Variants in IVD observed in about 807,000 individuals in gnomAD.
The protein encoded by IVD is isovaleryl-CoA dehydrogenase, mitochondrial.
Under a neutral mutation model 51.3 loss-of-function variants are expected in IVD, and 31 were observed. The observed-to-expected ratio is 0.60, with a 90% CI of 0.45 to 0.81. The LOEUF is 0.81. Among genes scored for constraint, IVD ranks in the 40% least tolerant of loss-of-function variants. IVD has a pLI of 0.00. For missense variants in IVD, 475 were observed against 552.0 expected, an observed-to-expected ratio of 0.86 and a Z score of 1.40; for synonymous variants, 205 against 219.4, an observed-to-expected ratio of 0.93 and a Z score of 0.58.
chr15:40,420,878 T>G lies in IVD; in HGVS notation c.*2615T>G, dbSNP rs1473673659. ...CTGAGAAGGGAATGGGTCTGGGTTG[T>G]TCCACCCCTTCCGAGTTCCAAAAAG... On this transcript the variant is annotated 3_prime_UTR_variant, in exon 12 of 12. Coordinates refer to ENST00000487418, the MANE Select transcript of IVD (RefSeq NM_002225.5). 1.0e-6 allele frequency: 1 copy of G among 985,440 alleles called. No individual in the cohort carries two copies. The highest frequency in any genetic ancestry group is 1.7e-5 in the African/African-American group (1 of 57,252). 61.0% of individuals were successfully genotyped at this position (985,440 alleles called of 1,614,324 possible).
Position 40,434,350 on chromosome 15 carries a change from G to C in IVD, c.780+436G>C, listed in dbSNP as rs148846859. ...TCTGCCTGCTTACTTTTGCTCAAAG[G>C]CTATTAGTTTGGGAGCCCTAAGTGT... On this transcript the variant is annotated intron_variant, in intron 8 of 8. Transcript: ENST00000473112. Among the ~76,000 whole-genome samples, 85 of 152,286 alleles carry C rather than the reference G, an allele frequency of 5.6e-4. No individual in the cohort carries two copies. The East Asian group carries it at 0.011, about 20-fold the overall frequency.
chr15:40,434,459 A>G (rs1326859577), intron 8 of IVD, among the ~76,000 whole-genome samples: 5 of 152,236 alleles, frequency 3.3e-5, no homozygotes. Context: ...CCTTGGGGCC[A>G]GGACTGTGCT....
downstream of IVD, among the ~76,000 whole-genome samples, chr15:40,422,585 CTTTTTTTTT>C (rs1157351420): frequency 0.48 from 32,948 of 69,314 alleles, 7,945 homozygotes; most frequent in South Asian, 0.7. Flanking sequence ...GCCCGGCCGA[CTTTTTTTTT>C]TTTTTTTTTT....
At chr15:40,434,209 T>C (rs1893142291) in intron 8 of IVD, among the ~76,000 whole-genome samples, 1 of 152,238 alleles carries the variant, frequency 6.6e-6, no homozygotes, top group Non-Finnish European at 1.5e-5. Context: ...AATCTTCTGA[T>C]TTTTTTCAAG....
rs975220412 is a variant in IVD, at chr15:40,412,161, CAGAA to C, written c.687+471_687+474del. On this transcript the variant is annotated intron_variant, in intron 6 of 11. Coordinates refer to ENST00000487418, the MANE Select transcript of IVD (RefSeq NM_002225.5). ...GAGAGAACTGAGCAGATTTTTTGGTCAGAAGGAAAAAAAAGGGAAGAAAAAAGAA... is the reference window on the plus strand; with the variant it reads ...GAGAGAACTGAGCAGATTTTTTGGTCGGAAAAAAAAGGGAAGAAAAAAGAA... 2.0e-3 allele frequency among the ~76,000 whole-genome samples: 299 copies of C among 150,232 alleles called. 2 individuals are homozygous for C. Among genetic ancestry groups the C allele is most frequent in the African/African-American group, 7.1e-3 (289 of 40,858 alleles).
At chr15:40,407,794 G>C in intron 2 of IVD, 69 bp downstream of exon 2, 1 of 1,457,156 alleles carries the variant, frequency 6.9e-7, no homozygotes, top group South Asian at 1.1e-5. Context: ...CTGCCTGGAA[G>C]AGCTCACACA....
intron 7 of IVD, among the ~76,000 whole-genome samples, chr15:40,432,085 T>C (rs559633146): frequency 1.1e-4 from 16 of 151,394 alleles, no homozygotes; most frequent in African/African-American, 3.9e-4. Context: ...TGCCTCAGCC[T>C]CCTGAGTAGC....
chr15:40,411,772 A>C, intron 6 of IVD, 81 bp downstream of exon 6: 2 of 1,486,418 alleles, frequency 1.3e-6, no homozygotes, highest in African/African-American at 1.4e-5. Flanking sequence ...CTGATCTCAA[A>C]TGGAATCAGT....
intron 6 of IVD, chr15:40,412,605 G>T: frequency 3.3e-6 from 1 of 307,450 alleles, no homozygotes. Context: ...CAGCCCTAGT[G>T]GGATCCCTTT....
At chr15:40,418,001 G>T (rs1011033011) in intron 11 of IVD, 129 bp from the exon 12 acceptor site, 7 of 1,343,256 alleles carry the variant, frequency 5.2e-6, no homozygotes, top group East Asian at 2.5e-5. Flanking sequence ...CCTCCCTCTT[G>T]CTACCTTTTG....
chr15:40,412,715 G>T, intron 6 of IVD: 1 of 443,890 alleles, frequency 2.3e-6, no homozygotes, highest in Non-Finnish European at 4.2e-6. Context: ...AAGGCCAGGG[G>T]GGTCGGGAGG....
At chr15:40,414,792 C>G in intron 7 of IVD, 97 bp from the exon 8 acceptor site, 1 of 1,554,958 alleles carries the variant, frequency 6.4e-7, no homozygotes, top group Non-Finnish European at 8.7e-7. Context: ...TATTTTAGTG[C>G]CTTACTTGAG....
chr15:40,426,341 A>C (rs1384895562), downstream of IVD, among the ~76,000 whole-genome samples: 5 of 151,918 alleles, frequency 3.3e-5, no homozygotes, highest in African/African-American at 1.2e-4. Flanking sequence ...AGTTTGAAAC[A>C]AGCCTGGCCA....
downstream of IVD, among the ~76,000 whole-genome samples, chr15:40,422,604 T>TTTTTTTTTTTTTTTTTTTTTTTTTTTG (rs1892406332): frequency 8.7e-6 from 1 of 115,154 alleles, no homozygotes; most frequent in Non-Finnish European, 1.8e-5. Flanking sequence ...TTTTTTTTTT[T>TTTTTTTTTTTTTTTTTTTTTTTTTTTG]TTTTTTTTTT....
downstream of IVD, chr15:40,424,151 C>G (rs1336809068): frequency 7.8e-7 from 1 of 1,287,070 alleles, no homozygotes; most frequent in South Asian, 1.2e-5. Flanking sequence ...CCCCTCAACC[C>G]TTCCTCTACA....
chr15:40,423,517 A>T (rs1175690831), downstream of IVD, among the ~76,000 whole-genome samples: 2 of 152,218 alleles, frequency 1.3e-5, no homozygotes, highest in Non-Finnish European at 2.9e-5. Context: ...GCTGGAGTAC[A>T]GTGGCATAAT....
intron 3 of IVD, among the ~76,000 whole-genome samples, chr15:40,410,229 G>A (rs1399168872): frequency 6.6e-6 from 1 of 152,166 alleles, no homozygotes; most frequent in Non-Finnish European, 1.5e-5. Context: ...CTTTGTATCT[G>A]TTCTTGGTGC....
downstream of IVD, among the ~76,000 whole-genome samples, chr15:40,426,171 T>G (rs1262439083): frequency 2.6e-5 from 4 of 152,114 alleles, no homozygotes; most frequent in Non-Finnish European, 5.9e-5. Context: ...TTCCATAATG[T>G]GGAAATACAA....
chr15:40,413,124 A>G, intron 7 of IVD, 37 bp downstream of exon 7: 2 of 1,524,032 alleles, frequency 1.3e-6, no homozygotes, highest in Non-Finnish European at 1.8e-6. Context: ...CCCTCTCCTG[A>G]CCCCCTTCCA....
Sources: allele counts gnomAD v4.1 joint callset (sites outside exome capture counted in the v4.1 genomes callset), GRCh38; gene constraint gnomAD v4.1.1; transcripts MANE v1.5; gene names NCBI Gene and HGNC (gene_info 2026-07-23, HGNC 2026-07-21).